The following TRAPPC10 variants were observed in gnomAD, a reference collection of about 807,000 sequenced individuals.
The protein encoded by TRAPPC10 is trafficking protein particle complex subunit 10, also known as TRAPP 130 kDa subunit.
TRAPPC10 carries 23 observed loss-of-function variants against 125.5 expected under a neutral mutation model. The ratio of observed to expected loss-of-function variants is 0.18; its 90% CI spans 0.13 to 0.26. The LOEUF is 0.26. Ranked by LOEUF, TRAPPC10 falls within the 10% of genes least tolerant of loss-of-function variation. TRAPPC10 has a pLI of 1.00. For synonymous variants in TRAPPC10, 509 were observed against 518.0 expected (o/e 0.98, Z 0.24); for missense variants, 1,123 against 1,308.4 (o/e 0.86, Z 2.19).
At chr21:44,085,679 C>T (rs2038077649) in intron 15 of TRAPPC10, among the ~76,000 whole-genome samples, 2 of 150,512 alleles carry the variant, frequency 1.3e-5, no homozygotes, top group African/African-American at 4.9e-5. Flanking sequence ...TGTTCTCCAG[C>T]GTGGGTGACA....
intron 1 of TRAPPC10, among the ~76,000 whole-genome samples, chr21:44,027,364 G>T (rs2033168964): frequency 6.6e-6 from 1 of 152,162 alleles, no homozygotes; most frequent in Admixed American, 6.6e-5. Flanking sequence ...GGCTTTGCAC[G>T]TTCAAGAATT....
chr21:44,048,931 A>G (rs1386953431), intron 3 of TRAPPC10, among the ~76,000 whole-genome samples: 4 of 150,942 alleles, frequency 2.7e-5, no homozygotes, highest in East Asian at 2.0e-4. Context: ...CTATCATAGT[A>G]TTAATAATTA....
chr21:44,063,356 C>T lies in TRAPPC10; in HGVS notation c.791-182C>T, dbSNP rs1301531882. 6.6e-6 allele frequency among the ~76,000 whole-genome samples: 1 copy of T among 152,182 alleles called. No individual in the cohort carries two copies. Among genetic ancestry groups the T allele is most frequent in the South Asian group, 2.1e-4 (1 of 4,828 alleles). On this transcript the variant is annotated intron_variant, in intron 6 of 22. Transcript: ENST00000291574. The surrounding 1 kb of genome is among the most constrained non-coding windows in gnomAD (Gnocchi z 4.4). Reference sequence around the variant, plus strand: ...GTGCCTTGTTGCCTGGGTCACGTTACCCTCAGCTCGGCTGTCAGTGCTGGG... The same window carrying T: ...GTGCCTTGTTGCCTGGGTCACGTTATCCTCAGCTCGGCTGTCAGTGCTGGG...
chr21:44,053,055 G>A (rs928702446), intron 4 of TRAPPC10, among the ~76,000 whole-genome samples: 2 of 152,066 alleles, frequency 1.3e-5, no homozygotes, highest in Admixed American at 6.5e-5. Flanking sequence ...CTCTATAACC[G>A]ATGGTCTGTA....
At chr21:44,058,649 T>A (rs997294897) in intron 5 of TRAPPC10, among the ~76,000 whole-genome samples, 3 of 152,134 alleles carry the variant, frequency 2.0e-5, no homozygotes, top group Admixed American at 6.5e-5. Flanking sequence ...GAATGTGTGG[T>A]GGTCATGCTG....
At chr21:44,019,997 C>T (rs905386961) in intron 1 of TRAPPC10, among the ~76,000 whole-genome samples, 1 of 151,706 alleles carries the variant, frequency 6.6e-6, no homozygotes, top group African/African-American at 2.4e-5. Context: ...CCTTATGTGG[C>T]TTTTTGGACA....
chr21:44,075,570 C>T (rs1478591904), intron 9 of TRAPPC10, among the ~76,000 whole-genome samples: 1 of 152,002 alleles, frequency 6.6e-6, no homozygotes, highest in Non-Finnish European at 1.5e-5. Flanking sequence ...ACTGCAGCCT[C>T]GACCTCCTGG....
chr21:44,077,774 G>A lies in TRAPPC10; in HGVS notation c.1459G>A (p.Glu487Lys), dbSNP rs368277567. 14 of 1,609,360 alleles carry A rather than the reference G, an allele frequency of 8.7e-6. No individual in the cohort carries two copies. In the African/African-American group the frequency reaches 1.9e-4, roughly 21 times the overall value. The change falls in exon 11 of 23, where the codon GAG (glutamate) becomes AAG (lysine). Residue 487 changes from glutamate to lysine, a missense_variant. Physicochemically the swap from Glu to Lys is moderately conservative, Grantham distance 56. This residue lies in a region of TRAPPC10 where 840 missense variants were observed against 902.0 expected (regional missense o/e 0.93). Transcript: ENST00000291574. ...SAKFVGKDLAEFYMRKKAPQK... is the reference protein window; with the variant it reads ...SAKFVGKDLAKFYMRKKAPQK... ...TAAGTTTGTTGGAAAAGATCTGGCA[G>A]AGTTTTACATGTAATTGATTTTGTA... is the stretch of plus-strand genomic sequence containing the variant.
At chr21:44,079,528 G>C (rs2037529071) in intron 11 of TRAPPC10, 36 bp from the exon 12 acceptor site, 1 of 1,576,762 alleles carries the variant, frequency 6.3e-7, no homozygotes, top group Non-Finnish European at 8.6e-7. Context: ...ATTATCCCTA[G>C]CTGTAATGAA....
rs753808393 is a variant in TRAPPC10 at position 44,084,139 on chromosome 21, G to T, written c.2256G>T (p.Thr752=). 1 of 1,614,186 alleles carries T rather than the reference G, an allele frequency of 6.2e-7. No individual in the cohort carries two copies. ...TFRTQAKEPG[T]YTLRQLCASV... ...GACTCTAGGCCAAGGAACCTGGAAC[G>T]TATACACTCAGGCAGCTGTGCGCCT... The change falls in exon 15 of 23, where the codon ACG becomes ACT. Residue 752 remains threonine, a synonymous_variant. Coordinates refer to ENST00000291574, the MANE Select transcript of TRAPPC10 (RefSeq NM_003274.5).
At chr21:44,032,858 A>C (rs2145691543) in intron 2 of TRAPPC10, among the ~76,000 whole-genome samples, 1 of 152,364 alleles carries the variant, frequency 6.6e-6, no homozygotes, top group East Asian at 1.9e-4. Context: ...TTAAAGCGGA[A>C]GAACTGGGCT....
intron 7 of TRAPPC10, among the ~76,000 whole-genome samples, chr21:44,067,245 A>G (rs566052991): frequency 1.4e-4 from 21 of 152,308 alleles, no homozygotes; most frequent in Non-Finnish European, 2.9e-4. Flanking sequence ...TGCAGGTTGA[A>G]CCAGAGGAAG....
rs187808416 is a variant in TRAPPC10 at position 44,019,580 on chromosome 21, T to C, written c.67+7020T>C. Among the ~76,000 whole-genome samples the C allele has an allele frequency of 3.4e-3, 513 of 152,358 alleles. 2 individuals carry two copies. Among genetic ancestry groups the C allele is most frequent in the African/African-American group, 0.012 (480 of 41,586 alleles). ...TTGGAGTCATTTATGACTTCTTTTT[T>C]CTCTCACAACTGACATTATCTTTGA... On this transcript the variant is annotated intron_variant, in intron 1 of 22. Transcript: ENST00000291574.
chr21:44,028,028 A>G (rs147411320), intron 1 of TRAPPC10, among the ~76,000 whole-genome samples: 361 of 152,346 alleles, frequency 2.4e-3, no homozygotes, highest in African/African-American at 8.2e-3. Context: ...AGAGTAAGAC[A>G]TTGAATTTAT....
chr21:44,093,239 A>C (rs2038705660), intron 19 of TRAPPC10, among the ~76,000 whole-genome samples: 1 of 150,496 alleles, frequency 6.6e-6, no homozygotes, highest in African/African-American at 2.5e-5. Flanking sequence ...TGGGTGGATC[A>C]CTTGAGCTCA....
At position 44,093,037 on chromosome 21, in the gene TRAPPC10, A is replaced by T. The variant is rs563510949; in HGVS notation, c.2997+988A>T. On this transcript the variant is annotated intron_variant, in intron 19 of 22. Transcript: ENST00000291574. ...GTCTTCAACTCTTGGCCTCAGGTGA[A>T]CCACCCACCTTGGCCTCCTAAAGTG... 2.1e-3 allele frequency among the ~76,000 whole-genome samples: 326 copies of T among 152,224 alleles called. 1 individual carries two copies. The highest frequency in any genetic ancestry group is 7.6e-3 in the African/African-American group (315 of 41,548).
chr21:44,049,960 A>G (rs1426374692), intron 3 of TRAPPC10, among the ~76,000 whole-genome samples: 4 of 149,964 alleles, frequency 2.7e-5, no homozygotes, highest in Admixed American at 6.6e-5. Flanking sequence ...GCTCACTGCA[A>G]CCTCCGCCTC....
intron 6 of TRAPPC10, among the ~76,000 whole-genome samples, chr21:44,060,945 C>T (rs1431630688): frequency 6.8e-6 from 1 of 147,764 alleles, no homozygotes; most frequent in African/African-American, 2.5e-5. Context: ...CACACACACA[C>T]ACTTTTTTTT....
chr21:44,058,451 A>G (rs897932415), intron 5 of TRAPPC10, among the ~76,000 whole-genome samples: 1 of 152,162 alleles, frequency 6.6e-6, no homozygotes, highest in South Asian at 2.1e-4. Flanking sequence ...ATGTCTCGAA[A>G]GGATTTAGGA....
Sources: allele counts gnomAD v4.1 joint callset (sites outside exome capture counted in the v4.1 genomes callset), GRCh38; gene constraint gnomAD v4.1.1; regional missense constraint gnomAD v4.1.1; non-coding constraint Gnocchi (gnomAD v3.1); transcripts MANE v1.5; gene names NCBI Gene and HGNC (gene_info 2026-07-23, HGNC 2026-07-21).